PXDNL: variants seen among roughly 807,000 people sequenced by gnomAD.
PXDNL encodes probable oxidoreductase PXDNL.
Under a neutral mutation model 150.8 loss-of-function variants are expected in PXDNL, and 145 were observed. The observed-to-expected ratio is 0.96, with a 90% CI of 0.84 to 1.10. PXDNL has a LOEUF of 1.10. Among genes scored for constraint, PXDNL ranks in the 50% least tolerant of loss-of-function variants. The pLI is 0.00. For missense variants in PXDNL, 2,087 were observed against 1,873.9 expected (o/e 1.11, Z -2.10); for synonymous variants, 757 against 725.7 (o/e 1.04, Z -0.69).
intron 4 of PXDNL, among the ~76,000 whole-genome samples, chr8:51,508,779 A>G (rs1811346448): frequency 6.6e-6 from 1 of 152,176 alleles, no homozygotes; most frequent in Non-Finnish European, 1.5e-5. Context: ...GCTGCCTAGT[A>G]GACAACTCAA....
intron 17 of PXDNL, among the ~76,000 whole-genome samples, chr8:51,375,745 C>G (rs1487739576): frequency 6.6e-6 from 1 of 152,184 alleles, no homozygotes; most frequent in Admixed American, 6.5e-5. Flanking sequence ...CATGTTTCTT[C>G]ATATGCACAA....
At chr8:51,719,916 G>C (rs1027776948) in intron 1 of PXDNL, among the ~76,000 whole-genome samples, 1 of 151,984 alleles carries the variant, frequency 6.6e-6, no homozygotes, top group African/African-American at 2.4e-5. Flanking sequence ...GTGAGTATTA[G>C]AAGCCACATG....
intron 5 of PXDNL, among the ~76,000 whole-genome samples, 164 bp downstream of exon 5, chr8:51,499,535 A>G (rs1224881795): frequency 1.3e-5 from 2 of 152,110 alleles, no homozygotes; most frequent in African/African-American, 4.8e-5. Context: ...CATTGATCTT[A>G]AAGTATAGAA....
intron 4 of PXDNL, among the ~76,000 whole-genome samples, chr8:51,541,503 A>G (rs1812216749): frequency 2.0e-5 from 3 of 152,188 alleles, no homozygotes; most frequent in South Asian, 4.2e-4. Context: ...GATTTCTGGG[A>G]AGTTTTTGGC....
At chr8:51,761,095 G>A (rs561179009) in intron 1 of PXDNL, among the ~76,000 whole-genome samples, 4 of 144,192 alleles carry the variant, frequency 2.8e-5, no homozygotes, top group East Asian at 2.0e-4. Context: ...GGATGGTCTC[G>A]AACTGCTGAC....
intron 19 of PXDNL, among the ~76,000 whole-genome samples, chr8:51,370,711 C>G (rs138359631): frequency 2.1e-4 from 32 of 152,208 alleles, no homozygotes; most frequent in African/African-American, 7.7e-4. Flanking sequence ...ATTCTCTTGC[C>G]TTAGCCTCCC....
chr8:51,473,159 T>A (rs926324839), intron 7 of PXDNL, among the ~76,000 whole-genome samples: 5 of 152,002 alleles, frequency 3.3e-5, no homozygotes, highest in African/African-American at 7.3e-5. Flanking sequence ...TAAAAAAAAA[T>A]TCAACGTCAG....
chr8:51,654,598 G>T, intron 2 of PXDNL, 91 bp downstream of exon 2: 1 of 952,316 alleles, frequency 1.1e-6, no homozygotes, highest in Non-Finnish European at 1.7e-6. Flanking sequence ...TCTACTAGCT[G>T]TTCTTGACAC....
In PXDNL at chr8:51,453,607, G is replaced by T; in HGVS notation, c.1161C>A (p.Asn387Lys). ...VATSSGLYLQ[N>K]ITQRDHGRFT... The stretch of plus-strand genomic sequence containing the variant: ...ATCGACCATGATCCCGTTGTGTGAT[G>T]TTCTGTAAGTAAAGTCCACTGGACG... The change falls in exon 10 of 23, where the codon AAC becomes AAA. Residue 387 changes from asparagine to lysine, a missense_variant. By Grantham distance (94) the Asn-to-Lys change is moderately conservative. Coordinates refer to ENST00000356297, the MANE Select transcript of PXDNL (RefSeq NM_144651.5). 6.2e-7 allele frequency: 1 copy of T among 1,613,992 alleles called. No individual in the cohort carries two copies. Among genetic ancestry groups the T allele is most frequent in the Non-Finnish European group, 8.5e-7 (1 of 1,179,882 alleles).
At chr8:51,809,017 T>A (rs2129267971) in intron 1 of PXDNL, among the ~76,000 whole-genome samples, 164 bp downstream of exon 1, 1 of 152,282 alleles carries the variant, frequency 6.6e-6, no homozygotes, top group East Asian at 1.9e-4. Flanking sequence ...CATTTTCTAG[T>A]CTAACAGAGC....
chr8:51,560,179 G>T (rs1812691117), intron 3 of PXDNL, among the ~76,000 whole-genome samples: 1 of 151,928 alleles, frequency 6.6e-6, no homozygotes, highest in African/African-American at 2.4e-5. Context: ...TGAATGAATT[G>T]AAAGATTTCC....
At chr8:51,769,171 A>G (rs557186583) in intron 1 of PXDNL, among the ~76,000 whole-genome samples, 7 of 152,344 alleles carry the variant, frequency 4.6e-5, no homozygotes, top group African/African-American at 1.7e-4. Flanking sequence ...GAGTCATATC[A>G]AAGTCATTCC....
intron 1 of PXDNL, among the ~76,000 whole-genome samples, chr8:51,670,626 T>C (rs924270038): frequency 6.6e-6 from 1 of 152,184 alleles, no homozygotes; most frequent in African/African-American, 2.4e-5. Flanking sequence ...CATAACATCA[T>C]TATGTGGCAC....
chr8:51,612,586 C>T (rs1814034903), intron 2 of PXDNL, among the ~76,000 whole-genome samples: 1 of 152,032 alleles, frequency 6.6e-6, no homozygotes, highest in African/African-American at 2.4e-5. Flanking sequence ...GGAAGTGGGA[C>T]CTTTGAGAGG....
At chr8:51,800,682 T>C (rs1369756014) in intron 1 of PXDNL, among the ~76,000 whole-genome samples, 1 of 152,244 alleles carries the variant, frequency 6.6e-6, no homozygotes, top group Non-Finnish European at 1.5e-5. Flanking sequence ...ACTTTCATAA[T>C]TTCTTATGCC....
intron 8 of PXDNL, among the ~76,000 whole-genome samples, chr8:51,458,783 T>C (rs1333034337): frequency 6.6e-6 from 1 of 152,226 alleles, no homozygotes; most frequent in Non-Finnish European, 1.5e-5. Context: ...GATGAATAAA[T>C]TGTCATTCTT....
intron 17 of PXDNL, among the ~76,000 whole-genome samples, chr8:51,389,109 T>C (rs1807815053): frequency 6.6e-6 from 1 of 152,168 alleles, no homozygotes; most frequent in Non-Finnish European, 1.5e-5. Flanking sequence ...GAATTTTAAC[T>C]TGCATGTGTG....
intron 3 of PXDNL, among the ~76,000 whole-genome samples, chr8:51,562,429 C>G (rs532261475): frequency 6.6e-6 from 1 of 151,962 alleles, no homozygotes; most frequent in East Asian, 1.9e-4. Flanking sequence ...ATAACTTATA[C>G]GAATGAAATC....
chr8:51,646,070 G>A (rs1009636273), intron 2 of PXDNL, among the ~76,000 whole-genome samples: 6 of 80,104 alleles, frequency 7.5e-5, no homozygotes, highest in Non-Finnish European at 1.6e-4. Flanking sequence ...TGTGTTCCCC[G>A]AAATGGGTAT....
Sources: allele counts gnomAD v4.1 joint callset (sites outside exome capture counted in the v4.1 genomes callset), GRCh38; gene constraint gnomAD v4.1.1; transcripts MANE v1.5; gene names NCBI Gene and HGNC (gene_info 2026-07-23, HGNC 2026-07-21).